The following MAGI3 variants were observed in gnomAD, a reference collection of about 807,000 sequenced individuals.
MAGI3 encodes the protein membrane associated guanylate kinase, WW and PDZ domain containing 3.
MAGI3 carries 43 observed loss-of-function variants against 121.8 expected under a neutral mutation model. That is an observed-to-expected ratio of 0.35 (90% CI 0.28 to 0.46). MAGI3 has a LOEUF of 0.46. Among genes scored for constraint, MAGI3 ranks in the 20% least tolerant of loss-of-function variants. The pLI is 1.00. For missense variants in MAGI3, 1,547 were observed against 1,797.3 expected, an observed-to-expected ratio of 0.86 and a Z score of 2.52; for synonymous variants, 553 against 639.3, an observed-to-expected ratio of 0.86 and a Z score of 2.04.
chr1:113,601,937 T>C (rs1375672888), intron 6 of MAGI3, among the ~76,000 whole-genome samples: 5 of 150,548 alleles, frequency 3.3e-5, no homozygotes, highest in Admixed American at 6.6e-5. Context: ...ATGGATGAAA[T>C]TGGAAATCAT....
rs767350432 is a variant in MAGI3, at chr1:113,642,473, G to C, written c.1923G>C (p.Gln641His). 16 of 1,613,930 alleles carry C rather than the reference G, an allele frequency of 9.9e-6. No homozygotes were observed. The highest frequency in any genetic ancestry group is 1.3e-5 in the African/African-American group (1 of 74,926). ...TCCAAGTGGTAGAGGTGCTAAAGCA[G>C]TTTCCAGTAGGTGCTGATGTACCAT... ...THLQVVEVLK[Q>H]FPVGADVPLL... Residue 641 changes from glutamine (Q) to histidine (H), a missense_variant, in exon 10 of 21, where the codon CAG becomes CAC. Gln to His is a conservative substitution (Grantham distance 24, BLOSUM62 0). Transcript: ENST00000307546.
At chr1:113,443,585 T>C (rs1366665963) in intron 1 of MAGI3, among the ~76,000 whole-genome samples, 1 of 152,214 alleles carries the variant, frequency 6.6e-6, no homozygotes, top group Non-Finnish European at 1.5e-5. Flanking sequence ...GCTTAGAATG[T>C]ACCAATGATT....
intron 9 of MAGI3, among the ~76,000 whole-genome samples, chr1:113,628,389 G>A (rs1291972962): frequency 6.6e-6 from 1 of 151,972 alleles, no homozygotes; most frequent in Non-Finnish European, 1.5e-5. Context: ...ACTTTGTCTT[G>A]AAGATTTGTT....
At chr1:113,645,491 G>T (rs1245689211) in intron 11 of MAGI3, among the ~76,000 whole-genome samples, 1 of 152,188 alleles carries the variant, frequency 6.6e-6, no homozygotes, top group Non-Finnish European at 1.5e-5. Context: ...GGATGCCACT[G>T]CAGTCGCAGT....
rs575327853 is a variant in MAGI3, at chr1:113,683,888, G to C, written c.4320G>C (p.Glu1440Asp). 6 of 1,612,550 alleles carry C rather than the reference G, an allele frequency of 3.7e-6. No homozygotes were observed. The Admixed American group carries it at 6.7e-5, about 18-fold the overall frequency. The change falls in exon 21 of 21, where the codon GAG (glutamate) becomes GAC (aspartate). Residue 1440 changes from glutamate to aspartate, a missense_variant. Physicochemically the swap from Glu to Asp is conservative, Grantham distance 45. Transcript: ENST00000307546. ...TAGAGGCAGCTGACAAAAACAAAGA[G>C]ACTGGAAGGTTCAAACCGGAAAGCA... ...KELEAADKNK[E>D]TGRFKPESSS... is the part of the protein sequence containing the mutation.
At chr1:113,604,060 G>A (rs1649579976) in intron 6 of MAGI3, among the ~76,000 whole-genome samples, 1 of 152,146 alleles carries the variant, frequency 6.6e-6, no homozygotes, top group African/African-American at 2.4e-5. Flanking sequence ...CAGCCTCTAT[G>A]GAAAACAGTA....
chr1:113,550,757 CA>C (rs375232110), intron 2 of MAGI3, among the ~76,000 whole-genome samples: 274 of 108,058 alleles, frequency 2.5e-3, no homozygotes, highest in East Asian at 3.8e-3. Context: ...ACCCTCAACT[CA>C]AAAAAAAAAA....
intron 1 of MAGI3, among the ~76,000 whole-genome samples, chr1:113,483,932 C>T (rs534257619): frequency 2.0e-5 from 3 of 151,414 alleles, no homozygotes; most frequent in Non-Finnish European, 4.4e-5. Context: ...TGTTTTCTTC[C>T]CTGACCCATT....
chr1:113,648,398 T>C (rs887798302), intron 12 of MAGI3, among the ~76,000 whole-genome samples: 3 of 152,072 alleles, frequency 2.0e-5, no homozygotes, highest in African/African-American at 7.2e-5. Flanking sequence ...GAAATAGATT[T>C]TTGTGACTTA....
intron 15 of MAGI3, among the ~76,000 whole-genome samples, chr1:113,655,671 G>A (rs1445353682): frequency 1.3e-5 from 2 of 151,938 alleles, no homozygotes; most frequent in East Asian, 3.9e-4. Flanking sequence ...GTTGTGTTTT[G>A]TAATCCAACA....
intron 1 of MAGI3, among the ~76,000 whole-genome samples, chr1:113,540,441 C>T (rs1242918812): frequency 6.6e-6 from 1 of 152,158 alleles, no homozygotes; most frequent in Non-Finnish European, 1.5e-5. Context: ...GTTCTGCCCA[C>T]GTCTTGTTTT....
chr1:113,509,048 T>C (rs946263257), intron 1 of MAGI3, among the ~76,000 whole-genome samples: 2 of 152,176 alleles, frequency 1.3e-5, no homozygotes, highest in African/African-American at 2.4e-5. Context: ...AGCAAGAGGA[T>C]CTTTGTGGAG....
chr1:113,401,940 G>A (rs982747581), intron 1 of MAGI3, among the ~76,000 whole-genome samples: 2 of 152,134 alleles, frequency 1.3e-5, no homozygotes, highest in African/African-American at 2.4e-5. Flanking sequence ...TATTCTTTAA[G>A]TGTTTACGCT....
chr1:113,681,150 C>G, intron 19 of MAGI3, 48 bp from the exon 20 acceptor site: 1 of 1,584,280 alleles, frequency 6.3e-7, no homozygotes, highest in Non-Finnish European at 8.6e-7. Flanking sequence ...GCAGAATTTA[C>G]AAAGGATGCA....
At chr1:113,518,956 A>G (rs1391254055) in intron 1 of MAGI3, among the ~76,000 whole-genome samples, 3 of 152,198 alleles carry the variant, frequency 2.0e-5, no homozygotes, top group Non-Finnish European at 2.9e-5. Context: ...TCTCCAAGTT[A>G]TATTTCTTCA....
chr1:113,503,314 A>C, intron 1 of MAGI3, among the ~76,000 whole-genome samples: 1 of 145,606 alleles, frequency 6.9e-6, no homozygotes, highest in Non-Finnish European at 1.5e-5. Context: ...CTCAGGAAAA[A>C]AAAAAAAAAA....
chr1:113,656,644 C>T (rs776016302), intron 15 of MAGI3, among the ~76,000 whole-genome samples: 13 of 151,952 alleles, frequency 8.6e-5, no homozygotes, highest in Non-Finnish European at 1.9e-4. Flanking sequence ...CTCAAACTCC[C>T]AACCTCAGGC....
rs1489175925 is a variant in MAGI3 at position 113,682,247 on chromosome 1, C to T, written c.3329-650C>T. ...TTCCGGTCTGTGCTCCTACGTGAAA[C>T]CCGAGCAACATTAAGGCTTTCAGGG... On this transcript the variant is annotated intron_variant, in intron 20 of 20. Transcript: ENST00000307546. 4 of 1,611,232 alleles carry T rather than the reference C, an allele frequency of 2.5e-6. No individual in the cohort carries two copies. The South Asian group carries it at 4.4e-5, about 18-fold the overall frequency.
chr1:113,633,997 C>G (rs1651833247), intron 9 of MAGI3, among the ~76,000 whole-genome samples: 1 of 151,200 alleles, frequency 6.6e-6, no homozygotes, highest in South Asian at 2.1e-4. Flanking sequence ...TGATGGTGAG[C>G]ATTTTTTCAT....
Sources: allele counts gnomAD v4.1 joint callset (sites outside exome capture counted in the v4.1 genomes callset), GRCh38; gene constraint gnomAD v4.1.1; transcripts MANE v1.5; gene names NCBI Gene and HGNC (gene_info 2026-07-23, HGNC 2026-07-21).